The following PACRG variants were observed in gnomAD, a reference collection of about 807,000 sequenced individuals.
PACRG encodes parkin coregulated gene protein.
In PACRG, 29 loss-of-function variants were observed where a neutral mutation model predicts 29.7. The observed-to-expected ratio is 0.98, with a 90% CI of 0.73 to 1.33. The LOEUF is 1.33. Among genes scored for constraint, PACRG ranks in the 40% most tolerant of loss-of-function variants. The probability of loss-of-function intolerance (pLI) is 0.00; values close to 1 mark genes in which losing one functional copy is unlikely to be tolerated. For missense variants in PACRG, 279 were observed against 316.2 expected, an observed-to-expected ratio of 0.88 and a Z score of 0.89; for synonymous variants, 116 against 118.7, an observed-to-expected ratio of 0.98 and a Z score of 0.15.
chr6:163,294,873 T>A (rs909620462), intron 4 of PACRG, among the ~76,000 whole-genome samples: 1 of 152,206 alleles, frequency 6.6e-6, no homozygotes, highest in African/African-American at 2.4e-5. Context: ...ACAACTGAAT[T>A]TCTCAGCCAG....
At chr6:162,947,342 A>ATCATATGTGATATATATATCATAT (rs1388762226) in intron 2 of PACRG, among the ~76,000 whole-genome samples, 2 of 13,352 alleles carry the variant, frequency 1.5e-4, no homozygotes, top group Non-Finnish European at 4.2e-4. Context: ...TCATATATAT[A>ATCATATGTGATATATATATCATAT]ATGATTACAT....
intron 4 of PACRG, among the ~76,000 whole-genome samples, chr6:163,120,125 C>T (rs1405391798): frequency 1.3e-5 from 2 of 152,008 alleles, no homozygotes; most frequent in South Asian, 2.1e-4. Flanking sequence ...GGGGGAAAGG[C>T]TGTGTTTTGT....
intron 2 of PACRG, among the ~76,000 whole-genome samples, chr6:162,983,507 G>T (rs1234264781): frequency 6.6e-6 from 1 of 151,942 alleles, no homozygotes; most frequent in Admixed American, 6.6e-5. Context: ...TGGATTGGTA[G>T]TGGTGAATTC....
chr6:162,998,540 C>T (rs4709668), intron 2 of PACRG, among the ~76,000 whole-genome samples: 79,697 of 152,110 alleles, frequency 0.52, 23,175 homozygotes, highest in African/African-American at 0.78. Flanking sequence ...TGTTGATGAA[C>T]GTAGAAGTCT....
At chr6:163,061,443 G>A (rs1284348750) in intron 2 of PACRG, among the ~76,000 whole-genome samples, 1 of 152,188 alleles carries the variant, frequency 6.6e-6, no homozygotes, top group African/African-American at 2.4e-5. Flanking sequence ...AGGGGACATG[G>A]AGGGACACTG....
chr6:163,016,417 ACAATTCCAGAGT>A (rs1405835744), intron 2 of PACRG, among the ~76,000 whole-genome samples: 3 of 152,102 alleles, frequency 2.0e-5, no homozygotes, highest in Non-Finnish European at 2.9e-5. Context: ...GAGGAAAGGA[ACAATTCCAGAGT>A]CAAGATTTTT....
chr6:163,150,175 T>G (rs957563814), intron 4 of PACRG, among the ~76,000 whole-genome samples: 3 of 152,178 alleles, frequency 2.0e-5, no homozygotes, highest in African/African-American at 7.2e-5. Context: ...ACACCACGTG[T>G]TTCTTAACCT....
intron 2 of PACRG, among the ~76,000 whole-genome samples, chr6:162,865,870 T>G (rs1480043962): frequency 1.3e-5 from 2 of 152,092 alleles, no homozygotes; most frequent in African/African-American, 4.8e-5. Flanking sequence ...GTTTTAAAAA[T>G]CAGCCTCCAA....
At chr6:163,156,706 G>A (rs1778334254) in intron 4 of PACRG, among the ~76,000 whole-genome samples, 1 of 152,162 alleles carries the variant, frequency 6.6e-6, no homozygotes, top group South Asian at 2.1e-4. Flanking sequence ...GACTAAAATC[G>A]AGGTATCTAC....
At chr6:163,282,939 C>A (rs78395818) in intron 4 of PACRG, among the ~76,000 whole-genome samples, 1,607 of 152,220 alleles carry the variant, frequency 0.011, 24 homozygotes, top group African/African-American at 0.037. Context: ...GCCACTGGGG[C>A]AAATTTTGTG....
chr6:162,947,347 T>TATATATATCATATATGATCATATATGA (rs367628174), intron 2 of PACRG, among the ~76,000 whole-genome samples: 1 of 51,056 alleles, frequency 2.0e-5, no homozygotes, highest in African/African-American at 7.2e-5. Flanking sequence ...TATATAATGA[T>TATATATATCATATATGATCATATATGA]TACATATATA....
intron 2 of PACRG, among the ~76,000 whole-genome samples, chr6:162,905,174 G>C (rs1346384732): frequency 6.6e-6 from 1 of 152,176 alleles, no homozygotes; most frequent in African/African-American, 2.4e-5. Flanking sequence ...AGAAGGAAAT[G>C]TCTGCAAGAG....
At chr6:162,754,279 C>CT (rs1210591498) in intron 1 of PACRG, among the ~76,000 whole-genome samples, 1 of 152,036 alleles carries the variant, frequency 6.6e-6, no homozygotes, top group Non-Finnish European at 1.5e-5. Context: ...ATTTGTATCT[C>CT]TTTTTTTGAG....
At chr6:163,269,886 A>G (rs1323291613) in intron 4 of PACRG, among the ~76,000 whole-genome samples, 1 of 43,572 alleles carries the variant, frequency 2.3e-5, no homozygotes, top group African/African-American at 1.3e-4. Context: ...AGAAAGAAAG[A>G]AAGAAAACAA....
intron 4 of PACRG, among the ~76,000 whole-genome samples, chr6:163,285,979 AT>A (rs1470025311): frequency 6.6e-6 from 1 of 152,212 alleles, no homozygotes; most frequent in African/African-American, 2.4e-5. Context: ...AAAATGCTCT[AT>A]TGCATGGTTC....
chr6:163,209,054 G>A (rs13206290), intron 4 of PACRG, among the ~76,000 whole-genome samples: 43,173 of 152,088 alleles, frequency 0.28, 6,468 homozygotes, highest in East Asian at 0.43. Context: ...CTATAGGCTG[G>A]CACTCACATT....
At chr6:162,862,076 C>G (rs890409989) in intron 2 of PACRG, among the ~76,000 whole-genome samples, 1 of 152,164 alleles carries the variant, frequency 6.6e-6, no homozygotes, top group Non-Finnish European at 1.5e-5. Flanking sequence ...CTTGACCACA[C>G]GTTGGTCAGA....
chr6:163,290,270 G>A (rs1461107374), intron 4 of PACRG, among the ~76,000 whole-genome samples: 9 of 99,796 alleles, frequency 9.0e-5, no homozygotes, highest in South Asian at 6.9e-4. Context: ...GCATGCACGC[G>A]CGCGCGCGCA....
rs1366232424 is a variant in PACRG at position 163,168,919 on chromosome 6, A to G, written c.613+79511A>G. Among the ~76,000 whole-genome samples the G allele has an allele frequency of 2.6e-5, 4 of 152,234 alleles. No individual in the cohort carries two copies. In the East Asian group the frequency reaches 7.7e-4, roughly 29 times the overall value. ...AGTCTGAAAGTTTGAAAGTTAATAC[A>G]CTGATTTTACCACCTGCAAAAGATA... is the stretch of plus-strand genomic sequence containing the variant. On this transcript the variant is annotated intron_variant, in intron 4 of 4. Coordinates refer to ENST00000366888, the MANE Select transcript of PACRG (RefSeq NM_001080379.2).
Sources: allele counts gnomAD v4.1 joint callset (sites outside exome capture counted in the v4.1 genomes callset), GRCh38; gene constraint gnomAD v4.1.1; transcripts MANE v1.5; gene names NCBI Gene and HGNC (gene_info 2026-07-23, HGNC 2026-07-21).